WWOX: variants seen among roughly 807,000 people sequenced by gnomAD.
WWOX encodes WW domain-containing oxidoreductase.
In WWOX, 69 loss-of-function variants were observed where a neutral mutation model predicts 46.2. The ratio of observed to expected loss-of-function variants is 1.49; its 90% CI spans 1.23 to 1.82. The LOEUF (loss-of-function observed/expected upper bound fraction) is 1.82, where lower values mean the gene tolerates loss of function less well. WWOX is among the 40% of genes most tolerant of loss of function. WWOX has a pLI of 0.00. For missense variants in WWOX, 919 were observed against 542.6 expected, an observed-to-expected ratio of 1.69 and a Z score of -6.89; for synonymous variants, 359 against 202.6, an observed-to-expected ratio of 1.77 and a Z score of -6.56.
intron 1 of WWOX, among the ~76,000 whole-genome samples, chr16:78,102,981 T>C (rs1567569896): frequency 6.6e-6 from 1 of 152,150 alleles, no homozygotes; most frequent in African/African-American, 2.4e-5. Context: ...GTGGGGCGTC[T>C]CCTCCTTTGC....
chr16:78,561,808 G>C (rs2044444396), intron 8 of WWOX, among the ~76,000 whole-genome samples: 1 of 152,128 alleles, frequency 6.6e-6, no homozygotes, highest in Admixed American at 6.5e-5. Flanking sequence ...AAGAACGCAG[G>C]GTTCCTTCTA....
intron 8 of WWOX, among the ~76,000 whole-genome samples, chr16:78,708,664 G>C (rs546590757): frequency 1.3e-5 from 2 of 152,198 alleles, no homozygotes; most frequent in Non-Finnish European, 2.9e-5. Flanking sequence ...GGACCACTGG[G>C]ATTAGAACCC....
At chr16:79,059,088 T>G (rs1456163665) in intron 8 of WWOX, among the ~76,000 whole-genome samples, 2 of 152,226 alleles carry the variant, frequency 1.3e-5, no homozygotes, top group Non-Finnish European at 2.9e-5. Context: ...CTTTTGAAAA[T>G]GACATTTTAA....
chr16:79,151,088 C>G (rs2050269594), intron 8 of WWOX, among the ~76,000 whole-genome samples: 1 of 151,970 alleles, frequency 6.6e-6, no homozygotes, highest in Non-Finnish European at 1.5e-5. Context: ...ATACGTAAAG[C>G]TATCATTTTA....
chr16:79,159,636 G>A (rs1254740173), intron 8 of WWOX, among the ~76,000 whole-genome samples: 3 of 152,134 alleles, frequency 2.0e-5, no homozygotes, highest in Admixed American at 6.5e-5. Flanking sequence ...GTCTCTCCCC[G>A]TGTCCCCTTG....
At chr16:79,147,175 A>G (rs1026657179) in intron 8 of WWOX, among the ~76,000 whole-genome samples, 11 of 152,172 alleles carry the variant, frequency 7.2e-5, no homozygotes, top group Non-Finnish European at 1.2e-4. Context: ...TTTATACACA[A>G]CTACATCAAG....
intron 8 of WWOX, among the ~76,000 whole-genome samples, chr16:78,823,294 G>A (rs1286630920): frequency 1.3e-5 from 2 of 152,202 alleles, no homozygotes; most frequent in African/African-American, 4.8e-5. Context: ...GCGGGTTGGG[G>A]GCTGCAGGAA....
At chr16:78,531,347 G>GGA (rs2043616465) in intron 8 of WWOX, among the ~76,000 whole-genome samples, 1 of 152,120 alleles carries the variant, frequency 6.6e-6, no homozygotes, top group Admixed American at 6.5e-5. Flanking sequence ...AGAAGGCAGT[G>GGA]GAGCCCTTTT....
chr16:78,919,306 A>G (rs1221556400), intron 8 of WWOX, among the ~76,000 whole-genome samples: 2 of 151,904 alleles, frequency 1.3e-5, no homozygotes, highest in Non-Finnish European at 2.9e-5. Context: ...CAGAGAAGTC[A>G]GACAACTCAC....
intron 8 of WWOX, among the ~76,000 whole-genome samples, chr16:78,436,831 C>T (rs1418686959): frequency 3.9e-5 from 6 of 152,146 alleles, no homozygotes; most frequent in South Asian, 4.1e-4. Flanking sequence ...GTATGTGGCT[C>T]GGCATTGCTT....
chr16:78,817,758 C>G (rs746558849), intron 8 of WWOX, among the ~76,000 whole-genome samples: 1 of 152,136 alleles, frequency 6.6e-6, no homozygotes. Context: ...CTTTCTCTTC[C>G]CCTGAGATTG....
chr16:78,123,443 T>G lies in WWOX; in HGVS notation c.409+8289T>G, dbSNP rs1234483416. 6.7e-3 allele frequency: 355 copies of G among 52,736 alleles called. 11 individuals are homozygous for G. The highest frequency in any genetic ancestry group is 0.03 in the African/African-American group (342 of 11,350). 3.3% of individuals were successfully genotyped at this position (52,736 alleles called of 1,614,324 possible). A position where few individuals can be genotyped will look rare whatever the true frequency, so the allele number is the denominator to read the frequency against. On this transcript the variant is annotated intron_variant, in intron 4 of 8. Coordinates refer to ENST00000566780, the MANE Select transcript of WWOX (RefSeq NM_016373.4). ...TTTTTTCTTTGTTTTTTGTTTTGTTTTTTTTTTTTTTGTTTTTTTTTTTTG... is the reference window on the plus strand; with the variant it reads ...TTTTTTCTTTGTTTTTTGTTTTGTTGTTTTTTTTTTTGTTTTTTTTTTTTG...
intron 8 of WWOX, among the ~76,000 whole-genome samples, chr16:78,578,161 C>G (rs2044937625): frequency 6.8e-6 from 1 of 146,238 alleles, no homozygotes; most frequent in African/African-American, 2.5e-5. Context: ...GCTTTTTTGC[C>G]TTTTTGACAA....
chr16:78,382,212 C>G (rs183894371), intron 5 of WWOX, among the ~76,000 whole-genome samples: 132 of 152,260 alleles, frequency 8.7e-4, no homozygotes, highest in African/African-American at 3.0e-3. Flanking sequence ...TCTTTCTGGA[C>G]ACATAGCACG....
chr16:78,760,994 T>A (rs76657239), intron 8 of WWOX, among the ~76,000 whole-genome samples: 1,596 of 152,212 alleles, frequency 0.01, 27 homozygotes, highest in African/African-American at 0.036. Flanking sequence ...TTCACTATCA[T>A]GAGCATAGCA....
chr16:78,179,010 A>C (rs1361150682), intron 5 of WWOX, among the ~76,000 whole-genome samples: 1 of 152,194 alleles, frequency 6.6e-6, no homozygotes, highest in African/African-American at 2.4e-5. Context: ...AGGAGAAGCC[A>C]GGGCACTTGG....
intron 8 of WWOX, among the ~76,000 whole-genome samples, chr16:78,533,532 G>T (rs2043681768): frequency 6.6e-6 from 1 of 152,152 alleles, no homozygotes; most frequent in African/African-American, 2.4e-5. Context: ...GTTTGGACAA[G>T]CTTAGTCTAC....
intron 8 of WWOX, among the ~76,000 whole-genome samples, chr16:78,951,366 C>G (rs552074125): frequency 1.3e-5 from 2 of 152,210 alleles, no homozygotes; most frequent in Non-Finnish European, 2.9e-5. Context: ...CCACGGCTGA[C>G]TCTCATTGGC....
chr16:78,341,254 C>T (rs112119963), intron 5 of WWOX, among the ~76,000 whole-genome samples: 2,378 of 119,150 alleles, frequency 0.02, 556 homozygotes, highest in African/African-American at 0.065. Context: ...TACCTCTCAC[C>T]TTGGCCTCCC....
Sources: gnomAD v4.1 joint callset for allele counts (sites outside exome capture counted in the v4.1 genomes callset) on GRCh38, gnomAD v4.1.1 for gene constraint, MANE v1.5 for transcripts, NCBI Gene and HGNC (gene_info 2026-07-23, HGNC 2026-07-21) for gene names.